The following PIK3R3 variants were observed in gnomAD, a reference collection of about 807,000 sequenced individuals.
PIK3R3 encodes the protein phosphoinositide-3-kinase regulatory subunit 3, also known as phosphatidylinositol 3-kinase regulatory subunit gamma.
PIK3R3 carries 64 observed loss-of-function variants against 62.9 expected under a neutral mutation model. The observed-to-expected ratio is 1.02, with a 90% CI of 0.83 to 1.25. The LOEUF is 1.25. PIK3R3 is among the 50% of genes most tolerant of loss of function. The pLI is 0.00. For missense variants in PIK3R3, 614 were observed against 561.6 expected (o/e 1.09, Z -0.94); for synonymous variants, 165 against 189.0 (o/e 0.87, Z 1.04).
intron 1 of PIK3R3, among the ~76,000 whole-genome samples, chr1:46,086,603 G>A (rs1276814575): frequency 1.3e-5 from 2 of 152,288 alleles, no homozygotes; most frequent in South Asian, 4.2e-4. Context: ...GGAAGGCTGA[G>A]GCAGGAGACT....
intron 1 of PIK3R3, among the ~76,000 whole-genome samples, chr1:46,086,252 G>A (rs1490376778): frequency 6.6e-6 from 1 of 152,168 alleles, no homozygotes; most frequent in Non-Finnish European, 1.5e-5. Context: ...AGAGAACACT[G>A]TAGGTATGTA....
chr1:46,099,939 T>C (rs113119770), intron 1 of PIK3R3, among the ~76,000 whole-genome samples: 2 of 152,226 alleles, frequency 1.3e-5, no homozygotes, highest in East Asian at 1.9e-4. Context: ...ACTAAAGAAG[T>C]TGAACACCTT....
the PIK3R3 span, among the ~76,000 whole-genome samples, chr1:46,142,667 C>T: frequency 2.0e-5 from 3 of 151,214 alleles, no homozygotes; most frequent in African/African-American, 7.3e-5. Context: ...CACTGCACTC[C>T]AGCCTGGGCG....
At chr1:46,136,427 G>A (rs1056955101), upstream of PIK3R3, among the ~76,000 whole-genome samples, 2 of 152,174 alleles carry the variant, frequency 1.3e-5, no homozygotes, top group Non-Finnish European at 2.9e-5. Flanking sequence ...CATCTCTTGA[G>A]ACAGCAGTGT....
At chr1:46,150,595 G>A in the PIK3R3 span, among the ~76,000 whole-genome samples, 1 of 152,096 alleles carries the variant, frequency 6.6e-6, no homozygotes, top group Non-Finnish European at 1.5e-5. Context: ...ACTACTCCTG[G>A]TTTGGCCCTT....
intron 1 of PIK3R3, among the ~76,000 whole-genome samples, chr1:46,109,219 T>C (rs1653506614): frequency 1.3e-5 from 2 of 152,146 alleles, no homozygotes; most frequent in African/African-American, 4.8e-5. Flanking sequence ...AACTACCTCT[T>C]ACTTTTGCTT....
intron 1 of PIK3R3, among the ~76,000 whole-genome samples, chr1:46,094,638 T>C (rs553199976): frequency 6.6e-6 from 1 of 152,362 alleles, no homozygotes; most frequent in South Asian, 2.1e-4. Context: ...GCATCCAGCA[T>C]TGAATTACAC....
At chr1:46,055,262 C>A (rs1388851267) in intron 7 of PIK3R3, among the ~76,000 whole-genome samples, 1 of 152,132 alleles carries the variant, frequency 6.6e-6, no homozygotes, top group African/African-American at 2.4e-5. Context: ...GAATGTGCCA[C>A]CACGCCCAGC....
At chr1:46,173,831 A>G in the PIK3R3 span, among the ~76,000 whole-genome samples, 1 of 152,216 alleles carries the variant, frequency 6.6e-6, no homozygotes, top group Admixed American at 6.5e-5. Flanking sequence ...TCACAGACAC[A>G]GATACACACA....
intron 1 of PIK3R3, among the ~76,000 whole-genome samples, chr1:46,084,323 A>G (rs1650877606): frequency 6.6e-6 from 1 of 152,210 alleles, no homozygotes; most frequent in African/African-American, 2.4e-5. Context: ...AAATATTCCA[A>G]AATTGGCTAT....
chr1:46,076,405 A>C (rs748733360), intron 3 of PIK3R3, among the ~76,000 whole-genome samples: 1 of 152,216 alleles, frequency 6.6e-6, no homozygotes, highest in Non-Finnish European at 1.5e-5. Context: ...TCTATGACCA[A>C]TGCTGCTAAG....
At position 46,044,512 on chromosome 1, in the gene PIK3R3, TA is replaced by T. The variant is rs1428766379; in HGVS notation, c.1188-642del. ...TCTTTTTATTATTCTTAGAAGATCC[TA>T]AGTCTTACAAGAACCATTCTCGCCT... On this transcript the variant is annotated intron_variant, in intron 9 of 9. Coordinates refer to ENST00000262741, the MANE Select transcript of PIK3R3 (RefSeq NM_003629.4). The surrounding 1 kb of genome is among the most constrained non-coding windows in gnomAD (Gnocchi z 4.2). Among the ~76,000 whole-genome samples, 1 of 152,210 alleles carries T rather than the reference TA, an allele frequency of 6.6e-6. No individual in the cohort carries two copies. Among genetic ancestry groups the T allele is most frequent in the Non-Finnish European group, 1.5e-5 (1 of 68,034 alleles).
At position 46,044,844 on chromosome 1, in the gene PIK3R3, G is replaced by GAAA; in HGVS notation, c.1188-976_1188-974dup. Among the ~76,000 whole-genome samples the GAAA allele has an allele frequency of 6.6e-6, 1 of 152,322 alleles. No homozygotes were observed. Among genetic ancestry groups the GAAA allele is most frequent in the East Asian group, 1.9e-4 (1 of 5,190 alleles). On this transcript the variant is annotated intron_variant, in intron 9 of 9. Coordinates refer to ENST00000262741, the MANE Select transcript of PIK3R3 (RefSeq NM_003629.4). The surrounding 1 kb of genome is among the most constrained non-coding windows in gnomAD (Gnocchi z 4.2). ...GAAATGAAAAAAGCCTGGTGCAATAGAAAAATGTGGGTTTTGAAACCAGGT... is the reference window on the plus strand; with the variant it reads ...GAAATGAAAAAAGCCTGGTGCAATAGAAAAAAAATGTGGGTTTTGAAACCAGGT...
In PIK3R3 at chr1:46,040,912, T is replaced by TGGAG. The variant is rs1300271512; in HGVS notation, c.*2757_*2760dup. On this transcript the variant is annotated 3_prime_UTR_variant, in exon 10 of 10. Transcript: ENST00000262741. ...TCATGGCGTGCCATCTAAGGCCAGG[T>TGGAG]GGAGACAACACTGTTCTGTGATGAA... 1 of 176,936 alleles carries TGGAG rather than the reference T, an allele frequency of 5.7e-6. No homozygotes were observed. Among genetic ancestry groups the TGGAG allele is most frequent in the African/African-American group, 2.4e-5 (1 of 42,210 alleles). The allele number at this position is 176,936 out of a possible 1,614,324, so 11.0% of individuals were successfully genotyped here.
rs368036808 is a variant in PIK3R3 at position 46,090,391 on chromosome 1, G to A, written c.107-9641C>T. ...CTATTGCTCAGGATGGAGTGCGGTG[G>A]CGCAATCTCGGCTCACTGCAACCTC... On this transcript the variant is annotated intron_variant, in intron 1 of 9. Coordinates refer to ENST00000262741, the MANE Select transcript of PIK3R3 (RefSeq NM_003629.4). Among the ~76,000 whole-genome samples, 98 of 152,044 alleles carry A rather than the reference G, an allele frequency of 6.4e-4. No homozygotes were observed. In the East Asian group the frequency reaches 7.9e-3, roughly 12 times the overall value.
At chr1:46,171,805 G>A in the PIK3R3 span, among the ~76,000 whole-genome samples, 3 of 152,086 alleles carry the variant, frequency 2.0e-5, no homozygotes, top group African/African-American at 7.2e-5. Flanking sequence ...TCAGGGCTTG[G>A]GGCAGAACCA....
At chr1:46,118,400 A>T (rs1039581800) in intron 1 of PIK3R3, among the ~76,000 whole-genome samples, 2 of 152,146 alleles carry the variant, frequency 1.3e-5, no homozygotes, top group Admixed American at 6.6e-5. Context: ...ACCAGCAGCC[A>T]GAATGATTCT....
At chr1:46,052,295 G>A (rs567977479) in intron 7 of PIK3R3, among the ~76,000 whole-genome samples, 4 of 152,172 alleles carry the variant, frequency 2.6e-5, no homozygotes, top group Admixed American at 6.5e-5. Context: ...CAGAAAACAC[G>A]GAAAGCAAAA....
At chr1:46,173,585 G>C in the PIK3R3 span, among the ~76,000 whole-genome samples, 1 of 152,194 alleles carries the variant, frequency 6.6e-6, no homozygotes, top group African/African-American at 2.4e-5. Flanking sequence ...GGGTGGGAGA[G>C]AGTGGGCTGC....
Sources: allele counts gnomAD v4.1 joint callset (sites outside exome capture counted in the v4.1 genomes callset), GRCh38; gene constraint gnomAD v4.1.1; non-coding constraint Gnocchi (gnomAD v3.1); transcripts MANE v1.5; gene names NCBI Gene and HGNC (gene_info 2026-07-23, HGNC 2026-07-21).